The following DYNLT2B variants were observed in gnomAD, a reference collection of about 807,000 sequenced individuals.
DYNLT2B encodes the protein dynein light chain Tctex-type 2B.
DYNLT2B carries 14 observed loss-of-function variants against 19.5 expected under a neutral mutation model. The observed-to-expected ratio is 0.72, with a 90% confidence interval of 0.47 to 1.12. The LOEUF (loss-of-function observed/expected upper bound fraction) is 1.12. Ranked by LOEUF, DYNLT2B falls within the 50% of genes most tolerant of loss-of-function variation. DYNLT2B has a pLI of 0.00. For synonymous variants in DYNLT2B, 70 were observed against 59.7 expected, an observed-to-expected ratio of 1.17 and a Z score of -0.79; for missense variants, 133 against 174.7, an observed-to-expected ratio of 0.76 and a Z score of 1.35.
chr3:196,316,069 G>A, intron 2 of DYNLT2B, 29 bp downstream of exon 2: 1 of 1,607,724 alleles, frequency 6.2e-7, no homozygotes, highest in East Asian at 2.2e-5. Context: ...TGAAGAGAAT[G>A]AGTCATTTCC....
At chr3:196,304,990 C>T (rs1030068212) in intron 3 of DYNLT2B, among the ~76,000 whole-genome samples, 3 of 152,124 alleles carry the variant, frequency 2.0e-5, no homozygotes, top group Non-Finnish European at 4.4e-5. Flanking sequence ...TCAAGAGGTC[C>T]TCCCACCTCA....
At chr3:196,310,124 CAG>C (rs1057228589) in intron 2 of DYNLT2B, among the ~76,000 whole-genome samples, 1 of 151,750 alleles carries the variant, frequency 6.6e-6, no homozygotes, top group African/African-American at 2.4e-5. Context: ...TTTTTGGAGA[CAG>C]AGTTTCGCTC....
chr3:196,302,670 G>A (rs113057085), intron 3 of DYNLT2B, among the ~76,000 whole-genome samples: 1 of 152,114 alleles, frequency 6.6e-6, no homozygotes, highest in Non-Finnish European at 1.5e-5. Context: ...TGAGGAGGTG[G>A]GTCATAACTC....
chr3:196,312,136 T>A (rs963357518), intron 2 of DYNLT2B, among the ~76,000 whole-genome samples: 2 of 152,210 alleles, frequency 1.3e-5, no homozygotes, highest in African/African-American at 4.8e-5. Context: ...CGCCTCGGCC[T>A]CCCTAAGTGC....
At chr3:196,298,806 G>A (rs1401995714) in intron 3 of DYNLT2B, among the ~76,000 whole-genome samples, 1 of 152,192 alleles carries the variant, frequency 6.6e-6, no homozygotes. Flanking sequence ...TCAGGGCACA[G>A]GGCTAGATGC....
intron 1 of DYNLT2B, among the ~76,000 whole-genome samples, chr3:196,317,062 GGT>G (rs140998103): frequency 0.035 from 1,832 of 52,054 alleles, 221 homozygotes; most frequent in African/African-American, 0.11. Context: ...GTGTGTGTGT[GGT>G]GTGTGTGTGT....
At chr3:196,314,765 G>T (rs1482071213) in intron 2 of DYNLT2B, among the ~76,000 whole-genome samples, 1 of 151,872 alleles carries the variant, frequency 6.6e-6, no homozygotes, top group Non-Finnish European at 1.5e-5. Context: ...AGGCTGCAGT[G>T]AGCCATGTTC....
At chr3:196,300,263 G>A (rs1486158977) in intron 3 of DYNLT2B, among the ~76,000 whole-genome samples, 2 of 152,188 alleles carry the variant, frequency 1.3e-5, no homozygotes, top group Non-Finnish European at 2.9e-5. Context: ...GTGATAATTT[G>A]TTACGGCAGC....
In DYNLT2B at chr3:196,292,738, A is replaced by G. The variant is rs527994701; in HGVS notation, c.382-1364T>C. On this transcript the variant is annotated intron_variant, in intron 4 of 4. Transcript: ENST00000325318. ...GTGGCCCTGTTCTACAGCACCACCC[A>G]GAGTTCTCCAACAGGACTGAGCCCT... Among the ~76,000 whole-genome samples the G allele has an allele frequency of 3.3e-5, 5 of 152,244 alleles. No individual in the cohort carries two copies. The East Asian group carries it at 9.6e-4, about 29-fold the overall frequency.
chr3:196,308,331 G>A (rs1032971650), intron 2 of DYNLT2B, among the ~76,000 whole-genome samples: 2 of 152,096 alleles, frequency 1.3e-5, no homozygotes, highest in Admixed American at 6.6e-5. Context: ...GTCCGAGAAC[G>A]AGGGGCATGT....
chr3:196,297,372 A>G (rs927875382), intron 3 of DYNLT2B, among the ~76,000 whole-genome samples: 1 of 152,048 alleles, frequency 6.6e-6, no homozygotes, highest in Non-Finnish European at 1.5e-5. Context: ...TAAAAATACA[A>G]AAATTGGCTG....
At chr3:196,296,133 C>T in intron 3 of DYNLT2B, 64 bp from the exon 4 acceptor site, 3 of 1,351,858 alleles carry the variant, frequency 2.2e-6, no homozygotes, top group Non-Finnish European at 3.2e-6. Context: ...CACATATCTG[C>T]CACGAGAAAC....
chr3:196,315,014 G>A (rs55785089), intron 2 of DYNLT2B, among the ~76,000 whole-genome samples: 1 of 152,126 alleles, frequency 6.6e-6, no homozygotes, highest in Admixed American at 6.6e-5. Context: ...CAGCTTGGGG[G>A]AAGAAACAAC....
At chr3:196,304,196 G>GCC (rs1726427750) in intron 3 of DYNLT2B, among the ~76,000 whole-genome samples, 5 of 151,638 alleles carry the variant, frequency 3.3e-5, no homozygotes, top group Non-Finnish European at 7.4e-5. Flanking sequence ...GCAGTGGCGT[G>GCC]ATCTCAGCTC....
At chr3:196,311,470 C>T (rs1275645545) in intron 2 of DYNLT2B, among the ~76,000 whole-genome samples, 1 of 151,136 alleles carries the variant, frequency 6.6e-6, no homozygotes, top group Non-Finnish European at 1.5e-5. Flanking sequence ...ACAAAGATGG[C>T]TCAACATAAC....
chr3:196,315,093 TG>T (rs1726744928), intron 2 of DYNLT2B, among the ~76,000 whole-genome samples: 1 of 152,062 alleles, frequency 6.6e-6, no homozygotes, highest in Admixed American at 6.6e-5. Flanking sequence ...TTTTGGACAG[TG>T]TTTTATTTCA....
chr3:196,299,029 A>C (rs988176144), intron 3 of DYNLT2B, among the ~76,000 whole-genome samples: 5 of 151,860 alleles, frequency 3.3e-5, no homozygotes, highest in African/African-American at 1.2e-4. Context: ...CTCATGTCTC[A>C]GCCTCCCGAG....
chr3:196,311,194 A>C (rs1726631818), intron 2 of DYNLT2B, among the ~76,000 whole-genome samples: 1 of 152,190 alleles, frequency 6.6e-6, no homozygotes, highest in African/African-American at 2.4e-5. Context: ...GAAAATCACA[A>C]GTAAATGGCA....
intron 1 of DYNLT2B, among the ~76,000 whole-genome samples, chr3:196,317,304 G>A (rs1193671584): frequency 3.1e-5 from 3 of 95,388 alleles, no homozygotes; most frequent in Non-Finnish European, 6.4e-5. Flanking sequence ...TGTGTGTAAA[G>A]TTAGTGATCT....
Sources: allele counts gnomAD v4.1 joint callset (sites outside exome capture counted in the v4.1 genomes callset), GRCh38; gene constraint gnomAD v4.1.1; transcripts MANE v1.5; gene names NCBI Gene and HGNC (gene_info 2026-07-23, HGNC 2026-07-21).